Variants in DLG1 observed in about 807,000 individuals in gnomAD.
DLG1 encodes discs large MAGUK scaffold protein 1.
DLG1 carries 42 observed loss-of-function variants against 123.4 expected under a neutral mutation model. The ratio of observed to expected loss-of-function variants is 0.34; its 90% CI spans 0.27 to 0.44. The LOEUF is 0.44. DLG1 is among the 20% of genes least tolerant of loss of function. The pLI, the probability that DLG1 is intolerant of heterozygous loss-of-function variation, is 1.00. For synonymous variants in DLG1, 317 were observed against 356.2 expected, an observed-to-expected ratio of 0.89 and a Z score of 1.24; for missense variants, 942 against 1,082.6, an observed-to-expected ratio of 0.87 and a Z score of 1.82.
intron 14 of DLG1, among the ~76,000 whole-genome samples, chr3:197,091,615 GAATATTTTTATTTAA>G (rs1484995474): frequency 2.0e-5 from 3 of 151,834 alleles, no homozygotes; most frequent in African/African-American, 7.3e-5. Context: ...TAATATTTGT[GAATATTTTTATTTAA>G]AATATTTTTT....
At chr3:197,287,204 T>C (rs776458985) in intron 3 of DLG1, among the ~76,000 whole-genome samples, 1 of 152,002 alleles carries the variant, frequency 6.6e-6, no homozygotes, top group Non-Finnish European at 1.5e-5. Context: ...GGCTTTGGGA[T>C]ATGGGAACTG....
chr3:197,192,832 C>T (rs149955532), intron 5 of DLG1, among the ~76,000 whole-genome samples: 7 of 151,826 alleles, frequency 4.6e-5, no homozygotes, highest in African/African-American at 1.7e-4. Context: ...GAAATTGACA[C>T]TTTTGGCAAG....
chr3:197,102,991 T>C (rs1191085377), intron 14 of DLG1, among the ~76,000 whole-genome samples: 6 of 152,230 alleles, frequency 3.9e-5, no homozygotes, highest in East Asian at 1.9e-4. Flanking sequence ...ACTGTCACAT[T>C]ATCTGATCCT....
intron 4 of DLG1, among the ~76,000 whole-genome samples, chr3:197,241,824 C>T (rs78927987): frequency 0.041 from 6,235 of 152,004 alleles, 185 homozygotes; most frequent in Non-Finnish European, 0.056. Context: ...AACCACGATG[C>T]AAAAACCTAT....
intron 15 of DLG1, among the ~76,000 whole-genome samples, chr3:197,087,765 A>C (rs1478593262): frequency 6.6e-6 from 1 of 152,190 alleles, no homozygotes; most frequent in African/African-American, 2.4e-5. Flanking sequence ...GATGGTCATA[A>C]ATTAGAAGTG....
intron 23 of DLG1, among the ~76,000 whole-genome samples, chr3:197,059,207 G>A (rs933560996): frequency 3.9e-5 from 6 of 152,148 alleles, no homozygotes; most frequent in Admixed American, 1.3e-4. Context: ...TTACAGACGT[G>A]AGCCACTGTG....
At position 197,282,746 on chromosome 3, in the gene DLG1, A is replaced by T. The variant is rs781377410; in HGVS notation, c.251T>A (p.Ile84Asn). 21 of 1,612,482 alleles carry T rather than the reference A, an allele frequency of 1.3e-5. No homozygotes were observed. Among genetic ancestry groups the T allele is most frequent in the Non-Finnish European group, 1.6e-5 (19 of 1,179,258 alleles). The part of the protein sequence containing the change: ...EPIQPVNTWE[I>N]SSLPSSTVTS... ...CACAGTAGAGCTTGGAAGGCTGGAA[A>T]TCTCCCAAGTATTCACAGGTTGAAT... The change falls in exon 4 of 25, where the codon ATT becomes AAT. Residue 84 changes from isoleucine to asparagine, a missense_variant. Ile to Asn is a moderately radical substitution (Grantham distance 149). Transcript: ENST00000667157.
intron 4 of DLG1, among the ~76,000 whole-genome samples, chr3:197,203,602 G>A (rs761850371): frequency 2.6e-5 from 4 of 152,044 alleles, no homozygotes; most frequent in Non-Finnish European, 4.4e-5. Flanking sequence ...CAGGTTAAAA[G>A]TAGAGGAAAG....
At chr3:197,058,996 G>GC (rs1171880912) in intron 23 of DLG1, among the ~76,000 whole-genome samples, 2 of 152,172 alleles carry the variant, frequency 1.3e-5, no homozygotes, top group Non-Finnish European at 2.9e-5. Context: ...CGAGATCTCG[G>GC]CTCACTGCAA....
At chr3:197,067,998 T>A (rs1740934974) in intron 19 of DLG1, among the ~76,000 whole-genome samples, 1 of 152,224 alleles carries the variant, frequency 6.6e-6, no homozygotes, top group Non-Finnish European at 1.5e-5. Context: ...TCTCTTTAAT[T>A]ATCAAGATCC....
At chr3:197,118,781 T>C (rs1774686546) in intron 12 of DLG1, among the ~76,000 whole-genome samples, 1 of 152,184 alleles carries the variant, frequency 6.6e-6, no homozygotes, top group Admixed American at 6.5e-5. Flanking sequence ...TCAGTGCAGG[T>C]AGTAATTTTA....
chr3:197,260,988 T>A (rs1007260582), intron 4 of DLG1, among the ~76,000 whole-genome samples: 1 of 152,010 alleles, frequency 6.6e-6, no homozygotes, highest in African/African-American at 2.4e-5. Flanking sequence ...AGTGAATAAA[T>A]AACATTTTAC....
intron 13 of DLG1, among the ~76,000 whole-genome samples, chr3:197,112,768 A>T (rs560424231): frequency 1.6e-4 from 24 of 151,088 alleles, no homozygotes; most frequent in East Asian, 7.8e-4. Flanking sequence ...TTAAAAAAAA[A>T]TTTTTTTTTT....
chr3:197,060,147 C>G (rs1052534494), intron 22 of DLG1, 149 bp from the exon 23 acceptor site: 3 of 517,588 alleles, frequency 5.8e-6, no homozygotes, highest in African/African-American at 3.9e-5. Context: ...TCTCAGCAAA[C>G]TTTAGATAGG....
At chr3:197,162,714 C>T (rs1799297332) in intron 5 of DLG1, among the ~76,000 whole-genome samples, 1 of 152,112 alleles carries the variant, frequency 6.6e-6, no homozygotes, top group Non-Finnish European at 1.5e-5. Flanking sequence ...TAAAAATTAA[C>T]TCAAAATTGA....
At chr3:197,118,179 T>C (rs1774344557) in intron 12 of DLG1, among the ~76,000 whole-genome samples, 1 of 152,156 alleles carries the variant, frequency 6.6e-6, no homozygotes, top group African/African-American at 2.4e-5. Context: ...GTAATCAAGG[T>C]GCAAATATAA....
At chr3:197,234,313 C>CAAATTGAGTGT (rs1242975172) in intron 4 of DLG1, among the ~76,000 whole-genome samples, 3 of 152,260 alleles carry the variant, frequency 2.0e-5, no homozygotes, top group African/African-American at 7.2e-5. Flanking sequence ...GTTCTCAAAC[C>CAAATTGAGTGT]AAATTGAGTG....
Position 197,297,207 on chromosome 3 carries a change from T to G in DLG1, c.-3A>C. 1 of 1,614,140 alleles carries G rather than the reference T, an allele frequency of 6.2e-7. No homozygotes were observed. The highest frequency in any genetic ancestry group is 8.5e-7 in the Non-Finnish European group (1 of 1,180,040). On this transcript the variant is annotated 5_prime_UTR_variant, in exon 2 of 25. Transcript: ENST00000667157. Reference sequence around the variant, plus strand: ...TCACCTTGCTTCCGGACCGGCATTTTTCTCCAGAATCAGGAAGAGGGCACA... The same window carrying G: ...TCACCTTGCTTCCGGACCGGCATTTGTCTCCAGAATCAGGAAGAGGGCACA...
chr3:197,079,218 TATC>T (rs891154655), intron 17 of DLG1, among the ~76,000 whole-genome samples: 5 of 152,198 alleles, frequency 3.3e-5, no homozygotes, highest in African/African-American at 4.8e-5. Flanking sequence ...ATTGATAAAA[TATC>T]ATAAATTCAT....
Sources: allele counts gnomAD v4.1 joint callset (sites outside exome capture counted in the v4.1 genomes callset), GRCh38; gene constraint gnomAD v4.1.1; transcripts MANE v1.5; gene names NCBI Gene and HGNC (gene_info 2026-07-23, HGNC 2026-07-21).